Variants in GOPC observed in about 807,000 individuals in gnomAD.
GOPC encodes golgi associated PDZ and coiled-coil motif containing.
Under a neutral mutation model 51.2 loss-of-function variants are expected in GOPC, and 32 were observed. The ratio of observed to expected loss-of-function variants is 0.63; its 90% CI spans 0.47 to 0.84. GOPC has a LOEUF of 0.84. Among genes scored for constraint, GOPC ranks in the 40% least tolerant of loss-of-function variants. GOPC has a pLI of 0.00. For missense variants in GOPC, 441 were observed against 555.5 expected, an observed-to-expected ratio of 0.79 and a Z score of 2.07; for synonymous variants, 190 against 205.1, an observed-to-expected ratio of 0.93 and a Z score of 0.63.
intron 1 of GOPC, among the ~76,000 whole-genome samples, chr6:117,583,647 T>C (rs1583059450): frequency 6.6e-6 from 1 of 152,352 alleles, no homozygotes; most frequent in East Asian, 1.9e-4. Flanking sequence ...CTTTGGTGGC[T>C]TTAAAAATGT....
chr6:117,583,640 T>C (rs1779991250), intron 1 of GOPC, among the ~76,000 whole-genome samples: 1 of 152,238 alleles, frequency 6.6e-6, no homozygotes, highest in Non-Finnish European at 1.5e-5. Flanking sequence ...TCGCTCTCTT[T>C]GGTGGCTTTA....
intron 5 of GOPC, among the ~76,000 whole-genome samples, chr6:117,572,612 A>G (rs1355288209): frequency 6.6e-6 from 1 of 152,148 alleles, no homozygotes; most frequent in Non-Finnish European, 1.5e-5. Context: ...TAATTTAACA[A>G]GCATGCTTTT....
At position 117,602,292 on chromosome 6, in the gene GOPC, G is replaced by A; in HGVS notation, c.-4C>T. ...GGCATGGACCGCCCGCCGACATGGC[G>A]CCGTCAAGGGCCTCTCCCGACTGCT... On this transcript the variant is annotated 5_prime_UTR_variant, in exon 1 of 9. Coordinates refer to ENST00000368498, the MANE Select transcript of GOPC (RefSeq NM_020399.4). 6.3e-7 allele frequency: 1 copy of A among 1,582,178 alleles called. No individual in the cohort carries two copies. The highest frequency in any genetic ancestry group is 8.5e-7 in the Non-Finnish European group (1 of 1,171,822).
At chr6:117,598,524 A>G (rs1266110231) in intron 1 of GOPC, among the ~76,000 whole-genome samples, 1 of 152,132 alleles carries the variant, frequency 6.6e-6, no homozygotes, top group Non-Finnish European at 1.5e-5. Context: ...GTGGAAGACA[A>G]TTTTTCCACA....
chr6:117,590,744 G>C (rs1780104617), intron 1 of GOPC, among the ~76,000 whole-genome samples: 1 of 152,134 alleles, frequency 6.6e-6, no homozygotes, highest in Non-Finnish European at 1.5e-5. Flanking sequence ...ACAGGGAGTG[G>C]AAAGGGAAAG....
At chr6:117,594,722 CAA>C (rs1780168727) in intron 1 of GOPC, among the ~76,000 whole-genome samples, 1 of 152,092 alleles carries the variant, frequency 6.6e-6, no homozygotes, top group Non-Finnish European at 1.5e-5. Flanking sequence ...GGCTCTAGAT[CAA>C]AGTTAAAAGT....
chr6:117,582,746 T>TGG (rs1779978689), intron 1 of GOPC, among the ~76,000 whole-genome samples: 1 of 149,208 alleles, frequency 6.7e-6, no homozygotes, highest in Admixed American at 6.6e-5. Flanking sequence ...CTTCAATTCA[T>TGG]GGATGAAGGA....
At chr6:117,563,903 A>G (rs1779640608) in intron 8 of GOPC, among the ~76,000 whole-genome samples, 1 of 152,066 alleles carries the variant, frequency 6.6e-6, no homozygotes, top group Non-Finnish European at 1.5e-5. Context: ...AATATTGTAC[A>G]GATTTAAAAA....
At chr6:117,592,956 C>T (rs1333430169) in intron 1 of GOPC, among the ~76,000 whole-genome samples, 1 of 152,194 alleles carries the variant, frequency 6.6e-6, no homozygotes, top group Non-Finnish European at 1.5e-5. Flanking sequence ...ACACACTTGT[C>T]TGTATAACAA....
Position 117,575,286 on chromosome 6 carries a change from A to G in GOPC, c.541T>C (p.Leu181=), listed in dbSNP as rs757651047. Residue 181 remains leucine, a synonymous_variant, in exon 4 of 9, where the codon TTG becomes CTG. Transcript: ENST00000368498. ...AGGGCTTCATTCTCTTTTCTCAACA[A>G]TTTCACTTCAGCTTCAAGTTGTGCT... is the stretch of plus-strand genomic sequence containing the variant. ...KEAQLEAEVK[L]LRKENEALRR... The G allele has an allele frequency of 6.2e-7, 1 of 1,613,322 alleles. No individual in the cohort carries two copies. The highest frequency in any genetic ancestry group is 1.1e-5 in the South Asian group (1 of 90,960).
At chr6:117,599,950 T>C (rs1771965817) in intron 1 of GOPC, among the ~76,000 whole-genome samples, 1 of 152,236 alleles carries the variant, frequency 6.6e-6, no homozygotes, top group Non-Finnish European at 1.5e-5. Context: ...TATTGTTTCA[T>C]TTTTAAAAAG....
chr6:117,563,707 G>A (rs1017034377), intron 8 of GOPC, among the ~76,000 whole-genome samples: 4 of 150,612 alleles, frequency 2.7e-5, no homozygotes, highest in Admixed American at 2.6e-4. Context: ...GGGTGACAGA[G>A]TGAAACTCTG....
In GOPC at chr6:117,562,861, T is replaced by C. The variant is rs1583046433; in HGVS notation, c.*393A>G. 2 of 220,500 alleles carry C rather than the reference T, an allele frequency of 9.1e-6. No homozygotes were observed. The highest frequency in any genetic ancestry group is 3.6e-4 in the South Asian group (2 of 5,492). 13.7% of individuals were successfully genotyped at this position (220,500 alleles called of 1,614,324 possible). A position where few individuals can be genotyped will look rare whatever the true frequency, so the allele number is the denominator to read the frequency against. On this transcript the variant is annotated 3_prime_UTR_variant, in exon 9 of 9. Transcript: ENST00000368498. ...AGTTAACATTCTAGAATATAAAATA[T>C]GAATTCACTTACTCTCTGTATTTTA...
At chr6:117,577,374 A>C in intron 3 of GOPC, 74 bp downstream of exon 3, 5 of 1,308,202 alleles carry the variant, frequency 3.8e-6, no homozygotes, top group Non-Finnish European at 5.4e-6. Flanking sequence ...GAGTGACAAC[A>C]TATAATATGC....
intron 1 of GOPC, among the ~76,000 whole-genome samples, chr6:117,580,793 A>G (rs1472175298): frequency 6.6e-6 from 1 of 152,186 alleles, no homozygotes; most frequent in Non-Finnish European, 1.5e-5. Context: ...CACAGTAGCA[A>G]CGTCCTATTT....
At chr6:117,576,866 G>C (rs1200764817) in intron 3 of GOPC, among the ~76,000 whole-genome samples, 2 of 152,048 alleles carry the variant, frequency 1.3e-5, no homozygotes, top group African/African-American at 2.4e-5. Flanking sequence ...ATCTTCAAAA[G>C]AGGTAAAGCC....
intron 1 of GOPC, among the ~76,000 whole-genome samples, chr6:117,594,417 C>T (rs145765629): frequency 9.7e-4 from 147 of 152,260 alleles, no homozygotes; most frequent in African/African-American, 3.3e-3. Flanking sequence ...CTCATTTACT[C>T]TTATGTACCT....
intron 1 of GOPC, among the ~76,000 whole-genome samples, chr6:117,600,334 G>A (rs1403919148): frequency 6.6e-6 from 1 of 152,128 alleles, no homozygotes; most frequent in African/African-American, 2.4e-5. Flanking sequence ...ATCTATAAGT[G>A]GATTAATCCA....
At chr6:117,593,842 C>A (rs1780154304) in intron 1 of GOPC, among the ~76,000 whole-genome samples, 1 of 152,222 alleles carries the variant, frequency 6.6e-6, no homozygotes, top group African/African-American at 2.4e-5. Context: ...TCCCTCATCC[C>A]TCTGTTCCAA....
Sources: allele counts gnomAD v4.1 joint callset (sites outside exome capture counted in the v4.1 genomes callset), GRCh38; gene constraint gnomAD v4.1.1; transcripts MANE v1.5; gene names NCBI Gene and HGNC (gene_info 2026-07-23, HGNC 2026-07-21).